Variants in MPPED2 observed in about 807,000 individuals in gnomAD.
The protein encoded by MPPED2 is metallophosphoesterase domain containing 2.
Under a neutral mutation model 33.0 loss-of-function variants are expected in MPPED2, and 5 were observed. The ratio of observed to expected loss-of-function variants is 0.15; its 90% CI spans 0.08 to 0.32. The LOEUF (loss-of-function observed/expected upper bound fraction) is 0.32. MPPED2 is among the 10% of genes least tolerant of loss of function. The pLI is 1.00. For missense variants in MPPED2, 275 were observed against 372.1 expected, an observed-to-expected ratio of 0.74 and a Z score of 2.15; for synonymous variants, 136 against 141.9, an observed-to-expected ratio of 0.96 and a Z score of 0.29.
chr11:30,485,472 A>ACAC (rs1453182046), intron 4 of MPPED2, among the ~76,000 whole-genome samples: 1 of 32,746 alleles, frequency 3.1e-5, no homozygotes, highest in African/African-American at 6.0e-5. Flanking sequence ...ATGTGTAACA[A>ACAC]GGTAAATAAG....
chr11:30,422,011 G>A (rs1235083931), intron 4 of MPPED2, among the ~76,000 whole-genome samples: 1 of 152,152 alleles, frequency 6.6e-6, no homozygotes, highest in African/African-American at 2.4e-5. Flanking sequence ...CATAACAAAT[G>A]GGGCATACAG....
chr11:30,441,133 A>G (rs1949553484), intron 4 of MPPED2: 2 of 152,194 alleles, frequency 1.3e-5, no homozygotes, highest in African/African-American at 2.4e-5. Context: ...TTTTGGTCTC[A>G]GAAATCACAT....
chr11:30,476,234 G>C (rs998273491), intron 4 of MPPED2, among the ~76,000 whole-genome samples: 4 of 151,846 alleles, frequency 2.6e-5, no homozygotes, highest in African/African-American at 9.7e-5. Flanking sequence ...TTTTTGTAAT[G>C]ATATCTTTCA....
chr11:30,413,780 G>C (rs1948219595), intron 6 of MPPED2, among the ~76,000 whole-genome samples: 1 of 152,158 alleles, frequency 6.6e-6, no homozygotes, highest in Non-Finnish European at 1.5e-5. Flanking sequence ...TTGTCTTCCT[G>C]GGTCTTTGTG....
At chr11:30,477,783 ACTT>A (rs1179078459) in intron 4 of MPPED2, among the ~76,000 whole-genome samples, 1 of 152,006 alleles carries the variant, frequency 6.6e-6, no homozygotes, top group Non-Finnish European at 1.5e-5. Flanking sequence ...AGATTTCATT[ACTT>A]CTTCTTTGAA....
At chr11:30,496,421 T>C (rs1476848273) in intron 3 of MPPED2, among the ~76,000 whole-genome samples, 1 of 152,182 alleles carries the variant, frequency 6.6e-6, no homozygotes, top group Non-Finnish European at 1.5e-5. Context: ...TTAATGTTCT[T>C]TTCCTTACTC....
intron 2 of MPPED2, among the ~76,000 whole-genome samples, chr11:30,567,548 C>CAGTT (rs1956500736): frequency 6.6e-6 from 1 of 152,128 alleles, no homozygotes; most frequent in Admixed American, 6.5e-5. Flanking sequence ...CATACTCAAA[C>CAGTT]AGTTACTAAG....
chr11:30,522,421 CA>C (rs1369368341), intron 3 of MPPED2, among the ~76,000 whole-genome samples: 3 of 139,922 alleles, frequency 2.1e-5, no homozygotes, highest in Non-Finnish European at 4.7e-5. Flanking sequence ...CACACACACA[CA>C]CCTAGAAAGA....
In MPPED2 at chr11:30,414,446, G is replaced by A. The variant is rs1590179950; in HGVS notation, c.653-105C>T. The stretch of plus-strand genomic sequence containing the variant: ...TCACAGAAGGTTTATTACATTATCT[G>A]TAATCCTAGCCTCTCCATTAAAGCT... On this transcript the variant is annotated intron_variant, in intron 5 of 6. Coordinates refer to ENST00000358117, the MANE Select transcript of MPPED2 (RefSeq NM_001584.3). The A allele has an allele frequency of 6.8e-6, 5 of 735,968 alleles. No individual in the cohort carries two copies. The East Asian group carries it at 1.3e-4, about 19-fold the overall frequency. The allele number at this position is 735,968 out of a possible 1,614,324, so 45.6% of individuals were successfully genotyped here.
chr11:30,403,413 T>A (rs1462983570), intron 6 of MPPED2, among the ~76,000 whole-genome samples: 1 of 152,234 alleles, frequency 6.6e-6, no homozygotes, highest in African/African-American at 2.4e-5. Context: ...GAAAATACTT[T>A]AATGCAGAAA....
At chr11:30,440,098 G>A (rs1370247370) in intron 4 of MPPED2, among the ~76,000 whole-genome samples, 4 of 152,170 alleles carry the variant, frequency 2.6e-5, no homozygotes, top group African/African-American at 7.2e-5. Flanking sequence ...GGGAGGCTGA[G>A]GCGGGGGGAT....
chr11:30,562,046 C>T (rs1956261077), intron 2 of MPPED2, among the ~76,000 whole-genome samples: 1 of 152,180 alleles, frequency 6.6e-6, no homozygotes, highest in Non-Finnish European at 1.5e-5. Context: ...AGCATCCCAC[C>T]TTTCATCTTC....
chr11:30,481,946 ATGGGATAATCTG>A (rs2134126131), intron 4 of MPPED2, among the ~76,000 whole-genome samples: 1 of 152,256 alleles, frequency 6.6e-6, no homozygotes, highest in Non-Finnish European at 1.5e-5. Flanking sequence ...CCATCTTTGA[ATGGGATAATCTG>A]TGAAATATGT....
intron 4 of MPPED2, among the ~76,000 whole-genome samples, chr11:30,437,729 T>A (rs1207463543): frequency 1.3e-5 from 2 of 152,084 alleles, no homozygotes; most frequent in African/African-American, 4.8e-5. Flanking sequence ...TTATTAACCC[T>A]GGAAAATCAA....
At chr11:30,534,384 A>T (rs908783781) in intron 3 of MPPED2, among the ~76,000 whole-genome samples, 1 of 152,216 alleles carries the variant, frequency 6.6e-6, no homozygotes, top group Non-Finnish European at 1.5e-5. Context: ...GAAAAAAGAC[A>T]TAAGCGAAAA....
intron 4 of MPPED2, among the ~76,000 whole-genome samples, chr11:30,422,664 G>C (rs1948662463): frequency 6.6e-6 from 1 of 152,136 alleles, no homozygotes; most frequent in Non-Finnish European, 1.5e-5. Context: ...AGGAGGAGGA[G>C]GGAATCCAAG....
intron 2 of MPPED2, among the ~76,000 whole-genome samples, chr11:30,541,486 T>A: frequency 6.6e-6 from 1 of 152,208 alleles, no homozygotes; most frequent in Admixed American, 6.5e-5. Context: ...TATAATTCAG[T>A]GAGAGAATAG....
rs1200053048 is a variant in MPPED2, at chr11:30,404,540, CT to C, written c.766+9687del. On this transcript the variant is annotated intron_variant, in intron 6 of 6. Transcript: ENST00000448418. ...ACACTGCCATTAGCAGGCAGACTCCCTTTCCTAGGCTAGCTGCCTGTGCTTG... is the reference window on the plus strand; with the variant it reads ...ACACTGCCATTAGCAGGCAGACTCCCTTCCTAGGCTAGCTGCCTGTGCTTG... Among the ~76,000 whole-genome samples, 8 of 152,350 alleles carry C rather than the reference CT, an allele frequency of 5.3e-5. No individual in the cohort carries two copies. In the East Asian group the frequency reaches 1.5e-3, roughly 29 times the overall value.
intron 4 of MPPED2, among the ~76,000 whole-genome samples, chr11:30,451,046 G>A (rs915241505): frequency 5.9e-5 from 9 of 152,184 alleles, no homozygotes; most frequent in African/African-American, 2.2e-4. Flanking sequence ...GCAACAGCTT[G>A]GTGTGGTGAC....
Sources: gnomAD v4.1 joint callset for allele counts (sites outside exome capture counted in the v4.1 genomes callset) on GRCh38, gnomAD v4.1.1 for gene constraint, MANE v1.5 for transcripts, NCBI Gene and HGNC (gene_info 2026-07-23, HGNC 2026-07-21) for gene names.